Variants in CYFIP1 observed in about 807,000 individuals in gnomAD.
The protein encoded by CYFIP1 is cytoplasmic FMR1 interacting protein 1.
Under a neutral mutation model 163.5 loss-of-function variants are expected in CYFIP1, and 58 were observed. The ratio of observed to expected loss-of-function variants is 0.35; its 90% CI spans 0.29 to 0.44. The LOEUF is 0.44. Among genes scored for constraint, CYFIP1 ranks in the 20% least tolerant of loss-of-function variants. The probability of loss-of-function intolerance (pLI) is 1.00; values close to 1 mark genes in which losing one functional copy is unlikely to be tolerated. For synonymous variants in CYFIP1, 663 were observed against 660.7 expected, an observed-to-expected ratio of 1.00 and a Z score of -0.05; for missense variants, 1,338 against 1,653.8, an observed-to-expected ratio of 0.81 and a Z score of 3.31.
intron 22 of CYFIP1, among the ~76,000 whole-genome samples, chr15:22,898,701 A>G (rs1434802956): frequency 6.6e-6 from 1 of 151,982 alleles, no homozygotes. Context: ...ATACCCAGCT[A>G]ATTTTAAAAA....
In CYFIP1 at chr15:22,926,943, T is replaced by G. The variant is rs1464172878; in HGVS notation, c.1234-836A>C. 1.3e-5 allele frequency among the ~76,000 whole-genome samples: 2 copies of G among 152,222 alleles called. 1 individual carries two copies. The highest frequency in any genetic ancestry group is 2.9e-5 in the Non-Finnish European group (2 of 68,038). ...GCACACCAATTAGATCTTTGCAAAC[T>G]GTATGACTGTATTAAATTATCACAT... On this transcript the variant is annotated intron_variant, in intron 12 of 30. Transcript: ENST00000617928.
intron 11 of CYFIP1, among the ~76,000 whole-genome samples, chr15:22,930,783 T>A (rs931069454): frequency 3.3e-4 from 51 of 152,326 alleles, no homozygotes; most frequent in Non-Finnish European, 2.2e-4. Flanking sequence ...AAAGCTCTTT[T>A]TAAAAGTAAA....
chr15:22,913,551 AGAAAGAAAG>A (rs2060860627), intron 17 of CYFIP1, among the ~76,000 whole-genome samples: 4 of 130,124 alleles, frequency 3.1e-5, no homozygotes, highest in Non-Finnish European at 4.8e-5. Flanking sequence ...AAAAAAAAAA[AGAAAGAAAG>A]AAAAAAAAGA....
chr15:22,935,031 T>G (rs1333684036), intron 9 of CYFIP1, among the ~76,000 whole-genome samples: 1 of 152,106 alleles, frequency 6.6e-6, no homozygotes, highest in Non-Finnish European at 1.5e-5. Context: ...TCAAAATAGA[T>G]CTATAATCAA....
chr15:22,922,399 G>A (rs1442458559), intron 13 of CYFIP1, among the ~76,000 whole-genome samples: 1 of 152,236 alleles, frequency 6.6e-6, no homozygotes, highest in African/African-American at 2.4e-5. Context: ...ATCGCTGGGA[G>A]AAATAAGCAC....
Position 22,911,885 on chromosome 15 carries a change from C to G in CYFIP1, c.2082+294G>C, listed in dbSNP as rs77553327. On this transcript the variant is annotated intron_variant, in intron 18 of 30. Transcript: ENST00000617928. ...GAGTGCTATTTATAAAATCCAAAACCAAAAAAATAGAGAAATAAAACAGGA... is the reference window on the plus strand; with the variant it reads ...GAGTGCTATTTATAAAATCCAAAACGAAAAAAATAGAGAAATAAAACAGGA... 5.0e-3 allele frequency among the ~76,000 whole-genome samples: 755 copies of G among 152,002 alleles called. 8 individuals are homozygous for G. Among genetic ancestry groups the G allele is most frequent in the African/African-American group, 0.017 (707 of 41,446 alleles).
intron 13 of CYFIP1, among the ~76,000 whole-genome samples, chr15:22,919,853 C>A (rs1163401218): frequency 3.3e-5 from 5 of 151,812 alleles, no homozygotes; most frequent in Non-Finnish European, 7.4e-5. Context: ...CAGACCCCAT[C>A]TCTACAAAAA....
intron 1 of CYFIP1, among the ~76,000 whole-genome samples, chr15:22,966,278 C>G (rs1288230363): frequency 2.6e-5 from 4 of 151,270 alleles, no homozygotes; most frequent in Non-Finnish European, 2.9e-5. Flanking sequence ...AAGGCTGAGG[C>G]AGGAGAATCG....
intron 14 of CYFIP1, among the ~76,000 whole-genome samples, chr15:22,918,296 A>G (rs1036899532): frequency 6.6e-6 from 1 of 152,136 alleles, no homozygotes; most frequent in African/African-American, 2.4e-5. Context: ...TGTCCCCAGT[A>G]ACCAACAGGA....
intron 16 of CYFIP1, among the ~76,000 whole-genome samples, chr15:22,915,641 T>C (rs1303779789): frequency 1.3e-5 from 2 of 152,002 alleles, no homozygotes; most frequent in Non-Finnish European, 2.9e-5. Context: ...CCCAGCTACT[T>C]GGGAGGCTGA....
intron 13 of CYFIP1, among the ~76,000 whole-genome samples, chr15:22,925,177 T>C (rs1402963552): frequency 4.6e-5 from 7 of 152,304 alleles, no homozygotes; most frequent in African/African-American, 1.7e-4. Flanking sequence ...CATAGGATTG[T>C]TCATATCCTG....
At chr15:22,920,339 C>T (rs1374037270) in intron 13 of CYFIP1, among the ~76,000 whole-genome samples, 2 of 151,790 alleles carry the variant, frequency 1.3e-5, no homozygotes, top group Non-Finnish European at 2.9e-5. Context: ...TAGGCATCTT[C>T]CTACTTTTAT....
At chr15:22,958,726 C>G (rs2062571378) in intron 1 of CYFIP1, among the ~76,000 whole-genome samples, 3 of 152,198 alleles carry the variant, frequency 2.0e-5, no homozygotes, top group African/African-American at 7.2e-5. Flanking sequence ...CTCTGCTTCT[C>G]TTCCTGTCAC....
intron 11 of CYFIP1, among the ~76,000 whole-genome samples, chr15:22,929,541 A>G (rs1049111643): frequency 6.8e-6 from 1 of 146,844 alleles, no homozygotes; most frequent in African/African-American, 2.5e-5. Flanking sequence ...CTGAGGCAGG[A>G]GAATTGCTTG....
At chr15:22,881,017 A>T (rs58744205) in intron 25 of CYFIP1, among the ~76,000 whole-genome samples, 44,688 of 152,008 alleles carry the variant, frequency 0.29, 6,673 homozygotes, top group East Asian at 0.35. Flanking sequence ...TAAACTGAAA[A>T]CAGATTCTCT....
intron 21 of CYFIP1, among the ~76,000 whole-genome samples, chr15:22,905,908 C>T (rs1209087631): frequency 6.7e-6 from 1 of 148,982 alleles, no homozygotes; most frequent in Non-Finnish European, 1.5e-5. Context: ...CTACAGGTGC[C>T]CGCCACCACA....
chr15:22,954,127 G>A (rs909343251), intron 1 of CYFIP1, among the ~76,000 whole-genome samples: 5 of 152,144 alleles, frequency 3.3e-5, no homozygotes, highest in African/African-American at 9.7e-5. Flanking sequence ...GTGTGGACAG[G>A]TACATTGATG....
Position 22,947,166 on chromosome 15 carries a change from C to T in CYFIP1, c.117+3G>A. 1.2e-6 allele frequency: 2 copies of T among 1,614,122 alleles called. No individual in the cohort carries two copies. The highest frequency in any genetic ancestry group is 1.7e-6 in the Non-Finnish European group (2 of 1,179,974). On this transcript the variant is annotated splice_donor_region_variant and intron_variant, in intron 2 of 30. Coordinates refer to ENST00000617928, the MANE Select transcript of CYFIP1 (RefSeq NM_014608.6). ...GTACGCCCTGCAGCTGCTGGGCACC[C>T]ACCTGGTAGAGCAGCGAGGATGGCG...
chr15:22,874,676 GCTC>G, intron 27 of CYFIP1, 32 bp from the exon 28 acceptor site: 1 of 1,474,508 alleles, frequency 6.8e-7, no homozygotes, highest in African/African-American at 1.4e-5. Context: ...ACTATATTCT[GCTC>G]CTTTGTATGA....
Sources: allele counts gnomAD v4.1 joint callset (sites outside exome capture counted in the v4.1 genomes callset), GRCh38; gene constraint gnomAD v4.1.1; transcripts MANE v1.5; gene names NCBI Gene and HGNC (gene_info 2026-07-23, HGNC 2026-07-21).